Variants in DCC observed in about 807,000 individuals in gnomAD.
DCC encodes the protein netrin receptor DCC.
Under a neutral mutation model 172.5 loss-of-function variants are expected in DCC, and 58 were observed. That is an observed-to-expected ratio of 0.34 (90% CI 0.27 to 0.42). DCC has a LOEUF of 0.42. Among genes scored for constraint, DCC ranks in the 10% least tolerant of loss-of-function variants. The pLI, the probability that DCC is intolerant of heterozygous loss-of-function variation, is 1.00. For missense variants in DCC, 1,740 were observed against 1,791.0 expected, an observed-to-expected ratio of 0.97 and a Z score of 0.51; for synonymous variants, 709 against 644.5, an observed-to-expected ratio of 1.10 and a Z score of -1.52.
At chr18:52,546,044 G>A (rs916866284) in intron 1 of DCC, among the ~76,000 whole-genome samples, 1 of 152,186 alleles carries the variant, frequency 6.6e-6, no homozygotes, top group Non-Finnish European at 1.5e-5. Context: ...ACTATTTTAG[G>A]TCCTATGAAG....
rs555127701 is a variant in DCC at position 52,650,041 on chromosome 18, C to T, written c.92-102013C>T. On this transcript the variant is annotated intron_variant, in intron 1 of 28. Coordinates refer to ENST00000442544, the MANE Select transcript of DCC (RefSeq NM_005215.4). ...TTGCCCAGGCTGGAGTGCAATGGCA[C>T]GATCTCGGCTCACCGCAACCTCTGC... Among the ~76,000 whole-genome samples, 16 of 143,284 alleles carry T rather than the reference C, an allele frequency of 1.1e-4. 1 individual carries two copies. Among genetic ancestry groups the T allele is most frequent in the Admixed American group, 8.8e-4 (12 of 13,610 alleles). 94.0% of individuals were successfully genotyped at this position (143,284 alleles called of 152,430 possible).
At chr18:52,871,884 A>G (rs2039324795) in intron 2 of DCC, among the ~76,000 whole-genome samples, 1 of 152,212 alleles carries the variant, frequency 6.6e-6, no homozygotes. Flanking sequence ...GATTTTGCAG[A>G]GCAAAAAGGG....
chr18:52,771,597 G>T (rs1253991321), intron 2 of DCC, among the ~76,000 whole-genome samples: 1 of 152,172 alleles, frequency 6.6e-6, no homozygotes, highest in Non-Finnish European at 1.5e-5. Flanking sequence ...TGGAGACATT[G>T]TTATCAGAGA....
intron 5 of DCC, among the ~76,000 whole-genome samples, chr18:53,027,036 CT>C: frequency 6.6e-6 from 1 of 152,232 alleles, no homozygotes; most frequent in East Asian, 1.9e-4. Flanking sequence ...TTATTATTCA[CT>C]TAAAAAATAC....
intron 5 of DCC, 65 bp downstream of exon 5, chr18:52,925,435 A>G: frequency 2.7e-6 from 4 of 1,498,748 alleles, no homozygotes; most frequent in Non-Finnish European, 3.7e-6. Context: ...CGACATTTTA[A>G]TGCTCATCAC....
chr18:52,661,235 G>T (rs2035352849), intron 1 of DCC, among the ~76,000 whole-genome samples: 1 of 152,166 alleles, frequency 6.6e-6, no homozygotes, highest in Admixed American at 6.5e-5. Flanking sequence ...TTTGATGGTA[G>T]CAGTGCAGAA....
At chr18:52,511,583 A>G (rs1209460639) in intron 1 of DCC, among the ~76,000 whole-genome samples, 1 of 152,118 alleles carries the variant, frequency 6.6e-6, no homozygotes, top group Non-Finnish European at 1.5e-5. Flanking sequence ...CTGGTGTCTA[A>G]TAAGTAGAGA....
At chr18:52,735,908 A>G (rs909634582) in intron 1 of DCC, among the ~76,000 whole-genome samples, 6 of 152,200 alleles carry the variant, frequency 3.9e-5, no homozygotes, top group South Asian at 2.1e-4. Flanking sequence ...AGAGGTTTCA[A>G]TACCAAACAC....
chr18:53,060,124 C>A (rs1296436580), intron 5 of DCC, among the ~76,000 whole-genome samples: 1 of 152,164 alleles, frequency 6.6e-6, no homozygotes, highest in African/African-American at 2.4e-5. Context: ...ATGCCTCAGC[C>A]TCCCAAATAC....
chr18:52,377,387 C>T (rs561690112), intron 1 of DCC, among the ~76,000 whole-genome samples: 2 of 152,230 alleles, frequency 1.3e-5, no homozygotes, highest in African/African-American at 4.8e-5. Context: ...TACAAGGATT[C>T]TACAGGTTAA....
At chr18:52,375,353 T>G (rs188117056) in intron 1 of DCC, among the ~76,000 whole-genome samples, 1 of 152,276 alleles carries the variant, frequency 6.6e-6, no homozygotes, top group Admixed American at 6.5e-5. Context: ...TATGCAAGGT[T>G]AAAAGAATTA....
intron 2 of DCC, among the ~76,000 whole-genome samples, chr18:52,846,385 C>T (rs956760733): frequency 1.1e-4 from 16 of 151,836 alleles, no homozygotes; most frequent in Admixed American, 4.6e-4. Context: ...CACAAAAATA[C>T]AGAAATTAGC....
intron 7 of DCC, among the ~76,000 whole-genome samples, chr18:53,135,602 G>A (rs1224009627): frequency 1.3e-5 from 2 of 152,106 alleles, no homozygotes; most frequent in African/African-American, 4.8e-5. Context: ...GCTGACAGCT[G>A]CTTTCAACTG....
At chr18:53,352,991 C>G (rs1436675722) in intron 15 of DCC, among the ~76,000 whole-genome samples, 1 of 152,092 alleles carries the variant, frequency 6.6e-6, no homozygotes, top group East Asian at 1.9e-4. Flanking sequence ...TACTATACCA[C>G]TTAATAATAC....
intron 1 of DCC, among the ~76,000 whole-genome samples, chr18:52,605,442 G>T (rs1056480310): frequency 1.3e-5 from 2 of 152,062 alleles, no homozygotes; most frequent in Admixed American, 1.3e-4. Context: ...TTCTACAATC[G>T]CTAAGATTAA....
intron 16 of DCC, among the ~76,000 whole-genome samples, chr18:53,390,579 T>G (rs1269664796): frequency 6.6e-6 from 1 of 152,174 alleles, no homozygotes; most frequent in African/African-American, 2.4e-5. Flanking sequence ...GAATATGCAC[T>G]ACATAATATA....
intron 12 of DCC, among the ~76,000 whole-genome samples, chr18:53,265,014 G>A (rs559337962): frequency 6.6e-6 from 1 of 152,228 alleles, no homozygotes; most frequent in South Asian, 2.1e-4. Flanking sequence ...TTCACATAAT[G>A]CCCAGTATGT....
chr18:53,130,577 C>T (rs371702749), intron 7 of DCC, among the ~76,000 whole-genome samples: 23 of 152,194 alleles, frequency 1.5e-4, no homozygotes, highest in Admixed American at 1.4e-3. Context: ...ACTAAGTTGA[C>T]GTATGTGGTG....
At chr18:53,286,967 ATTC>A (rs2056942749) in intron 12 of DCC, among the ~76,000 whole-genome samples, 2 of 151,896 alleles carry the variant, frequency 1.3e-5, no homozygotes, top group African/African-American at 2.4e-5. Flanking sequence ...TCATTATACT[ATTC>A]TTTTTTTTTT....
Sources: allele counts gnomAD v4.1 joint callset (sites outside exome capture counted in the v4.1 genomes callset), GRCh38; gene constraint gnomAD v4.1.1; transcripts MANE v1.5; gene names NCBI Gene and HGNC (gene_info 2026-07-23, HGNC 2026-07-21).